The following BNC2 variants were observed in gnomAD, a reference collection of about 807,000 sequenced individuals.
BNC2 encodes the protein basonuclin zinc finger protein 2.
Under a neutral mutation model 76.3 loss-of-function variants are expected in BNC2, and 20 were observed. That is an observed-to-expected ratio of 0.26 (90% CI 0.18 to 0.38). The LOEUF is 0.38. Ranked by LOEUF, BNC2 falls within the 10% of genes least tolerant of loss-of-function variation. The probability of loss-of-function intolerance (pLI) is 1.00; values close to 1 mark genes in which losing one functional copy is unlikely to be tolerated. For missense variants in BNC2, 1,382 were observed against 1,399.8 expected, an observed-to-expected ratio of 0.99 and a Z score of 0.20; for synonymous variants, 582 against 514.8, an observed-to-expected ratio of 1.13 and a Z score of -1.77.
chr9:16,640,562 C>G (rs986021889), intron 3 of BNC2, among the ~76,000 whole-genome samples: 5 of 152,140 alleles, frequency 3.3e-5, no homozygotes, highest in African/African-American at 1.2e-4. Flanking sequence ...TCAAATTATA[C>G]AACTCAATTA....
chr9:16,816,650 G>T (rs191307780), intron 1 of BNC2, among the ~76,000 whole-genome samples: 4 of 152,058 alleles, frequency 2.6e-5, no homozygotes, highest in Non-Finnish European at 5.9e-5. Context: ...GGGAAATCAC[G>T]GCACTTGTTA....
intron 1 of BNC2, chr9:16,775,441 C>T (rs570596971): frequency 7.8e-4 from 118 of 151,252 alleles, no homozygotes; most frequent in African/African-American, 2.7e-3. Flanking sequence ...TGTATGTGTG[C>T]TAGAATTAAA....
intron 1 of BNC2, among the ~76,000 whole-genome samples, chr9:16,869,863 A>C (rs893394145): frequency 5.3e-5 from 8 of 152,172 alleles, no homozygotes; most frequent in African/African-American, 1.9e-4. Flanking sequence ...ACTTCACAGG[A>C]GATTTCACCT....
chr9:16,602,563 C>T (rs1019651320), intron 3 of BNC2, among the ~76,000 whole-genome samples: 1 of 152,162 alleles, frequency 6.6e-6, no homozygotes, highest in Non-Finnish European at 1.5e-5. Context: ...CCACATACCC[C>T]CTCAGTGCTC....
rs115711390 is a variant in BNC2 at position 16,648,962 on chromosome 9, T to C, written c.331-65877A>G. On this transcript the variant is annotated intron_variant, in intron 3 of 6. Coordinates refer to ENST00000380672, the MANE Select transcript of BNC2 (RefSeq NM_017637.6). ...TCACTTTGAGTTAAAACCAATGATATCTTTATGTGCTAAAATAGCATAACG... is the reference window on the plus strand; with the variant it reads ...TCACTTTGAGTTAAAACCAATGATACCTTTATGTGCTAAAATAGCATAACG... Among the ~76,000 whole-genome samples the C allele has an allele frequency of 3.0e-3, 463 of 152,310 alleles. 1 individual carries two copies. The highest frequency in any genetic ancestry group is 0.01 in the African/African-American group (418 of 41,560).
At chr9:16,803,160 G>A (rs12236540) in intron 1 of BNC2, among the ~76,000 whole-genome samples, 3,112 of 152,264 alleles carry the variant, frequency 0.02, 96 homozygotes, top group East Asian at 0.13. Flanking sequence ...TGTATCCTGT[G>A]TGTTTCCAAC....
chr9:16,612,081 CA>C (rs113203728), intron 3 of BNC2, among the ~76,000 whole-genome samples: 264 of 138,324 alleles, frequency 1.9e-3, no homozygotes, highest in African/African-American at 4.6e-3. Context: ...AAAACAGAAG[CA>C]AAAAAAAAAA....
At chr9:16,745,847 G>C (rs1455933584) in intron 1 of BNC2, among the ~76,000 whole-genome samples, 2 of 152,122 alleles carry the variant, frequency 1.3e-5, no homozygotes, top group East Asian at 3.9e-4. Context: ...GTACAGACAT[G>C]GGCTTTGAGA....
intron 5 of BNC2, among the ~76,000 whole-genome samples, chr9:16,538,538 T>G (rs1244168184): frequency 6.6e-6 from 1 of 152,212 alleles, no homozygotes; most frequent in Non-Finnish European, 1.5e-5. Flanking sequence ...CTTTGATTTC[T>G]CACTAAAAGG....
intron 3 of BNC2, among the ~76,000 whole-genome samples, chr9:16,610,149 C>A (rs368570218): frequency 1.4e-5 from 2 of 141,916 alleles, no homozygotes; most frequent in African/African-American, 5.2e-5. Context: ...GTGGCAAAAA[C>A]TGGGCGCACC....
intron 3 of BNC2, among the ~76,000 whole-genome samples, chr9:16,660,668 T>A (rs1822085507): frequency 1.3e-5 from 2 of 152,142 alleles, no homozygotes; most frequent in Admixed American, 1.3e-4. Context: ...CCAGCCAATA[T>A]GACTGCTATA....
chr9:16,548,921 T>C (rs1426876849), intron 5 of BNC2, among the ~76,000 whole-genome samples: 1 of 152,260 alleles, frequency 6.6e-6, no homozygotes, highest in South Asian at 2.1e-4. Context: ...AGTTATGTTA[T>C]GCATTTTATA....
chr9:16,484,348 C>A (rs1274124924), intron 5 of BNC2, among the ~76,000 whole-genome samples: 1 of 152,188 alleles, frequency 6.6e-6, no homozygotes, highest in Admixed American at 6.5e-5. Context: ...AGATGCCACC[C>A]CAGCCTTACA....
At chr9:16,805,688 A>C (rs1378511354) in intron 1 of BNC2, among the ~76,000 whole-genome samples, 2 of 148,396 alleles carry the variant, frequency 1.3e-5, no homozygotes, top group Admixed American at 1.4e-4. Flanking sequence ...AAATTAAAGT[A>C]CTTACATGTA....
chr9:16,778,717 G>A (rs1191674138), intron 1 of BNC2, among the ~76,000 whole-genome samples: 2 of 152,150 alleles, frequency 1.3e-5, no homozygotes, highest in Non-Finnish European at 2.9e-5. Context: ...GGCTTCAAAC[G>A]AGATCCTTAA....
chr9:16,498,509 CT>C (rs1463110941), intron 5 of BNC2, among the ~76,000 whole-genome samples: 2 of 149,144 alleles, frequency 1.3e-5, no homozygotes, highest in Non-Finnish European at 3.0e-5. Context: ...ACTTTGGGGA[CT>C]TAGGGGGAAG....
In BNC2 at chr9:16,738,488, A is replaced by C. The variant is rs1163383437; in HGVS notation, c.4-3T>G. ...GGTGGGGTGGGCCCAAGGTGTGCCTATTGAGAGATTGGGAAAGGAAATTAC... is the reference window on the plus strand; with the variant it reads ...GGTGGGGTGGGCCCAAGGTGTGCCTCTTGAGAGATTGGGAAAGGAAATTAC... On this transcript the variant is annotated splice_polypyrimidine_tract_variant and splice_region_variant and intron_variant, in intron 1 of 6. Transcript: ENST00000380672. 6.2e-7 allele frequency: 1 copy of C among 1,613,914 alleles called. No homozygotes were observed. The highest frequency in any genetic ancestry group is 8.5e-7 in the Non-Finnish European group (1 of 1,179,892).
At chr9:16,730,534 T>C (rs1172079467) in intron 2 of BNC2, among the ~76,000 whole-genome samples, 5 of 152,214 alleles carry the variant, frequency 3.3e-5, no homozygotes, top group African/African-American at 4.8e-5. Flanking sequence ...CAAGTTTATT[T>C]AGTTCATAAA....
chr9:16,692,055 C>T (rs1450345387), intron 3 of BNC2, among the ~76,000 whole-genome samples: 3 of 152,122 alleles, frequency 2.0e-5, no homozygotes, highest in Non-Finnish European at 4.4e-5. Context: ...AAGTGATCTG[C>T]CCACCTTGGC....
Sources: allele counts gnomAD v4.1 joint callset (sites outside exome capture counted in the v4.1 genomes callset), GRCh38; gene constraint gnomAD v4.1.1; transcripts MANE v1.5; gene names NCBI Gene and HGNC (gene_info 2026-07-23, HGNC 2026-07-21).